HTR6: variants seen among roughly 807,000 people sequenced by gnomAD.
HTR6 encodes the protein 5-hydroxytryptamine receptor 6, also known as 5-hydroxytryptamine (serotonin) receptor 6, G protein-coupled.
HTR6 carries 15 observed loss-of-function variants against 17.4 expected under a neutral mutation model. That is an observed-to-expected ratio of 0.86 (90% CI 0.58 to 1.33). HTR6 has a LOEUF of 1.33. HTR6 is among the 40% of genes most tolerant of loss of function. HTR6 has a pLI of 0.00. For missense variants in HTR6, 578 were observed against 616.0 expected, an observed-to-expected ratio of 0.94 and a Z score of 0.65; for synonymous variants, 326 against 295.5, an observed-to-expected ratio of 1.10 and a Z score of -1.06.
Position 19,679,322 on chromosome 1 carries a change from C to A in HTR6, c.1277C>A (p.Ala426Glu). 6.2e-7 allele frequency: 1 copy of A among 1,604,166 alleles called. No homozygotes were observed. Among genetic ancestry groups the A allele is most frequent in the South Asian group, 1.1e-5 (1 of 90,528 alleles). The change falls in exon 3 of 3, where the codon GCG (alanine) becomes GAG (glutamate). Residue 426 changes from alanine (A) to glutamate (E), a missense_variant. Transcript: ENST00000289753. This position sits in a 1 kb window ranked among gnomAD's most constrained non-coding sequence, Gnocchi z 4.9. ...GTCAATTTCTTCAACATCGACCCCG[C>A]GGAGCCCGAGCTGCGGCCGCATCCA... The part of the protein sequence containing the change: ...AAVNFFNIDP[A>E]EPELRPHPLG...
chr1:19,666,263 C>T lies in HTR6; in HGVS notation c.510C>T (p.Gly170=), dbSNP rs1570581194. The part of the protein sequence containing the change: ...LPLLLGWHEL[G]HARPPVPGQC... The stretch of plus-strand genomic sequence containing the variant: ...TGCTGCTGGGCTGGCACGAGCTGGG[C>T]CACGCACGGCCACCCGTCCCTGGCC... Residue 170 remains glycine (G), a synonymous_variant, in exon 1 of 3, where the codon GGC becomes GGT. Coordinates refer to ENST00000289753, the MANE Select transcript of HTR6 (RefSeq NM_000871.3). This position sits in a 1 kb window ranked among gnomAD's most constrained non-coding sequence, Gnocchi z 4.5. The T allele has an allele frequency of 6.2e-7, 1 of 1,609,732 alleles. No homozygotes were observed. Among genetic ancestry groups the T allele is most frequent in the African/African-American group, 1.3e-5 (1 of 74,922 alleles).
chr1:19,677,407 G>A (rs913197856), intron 1 of HTR6, among the ~76,000 whole-genome samples: 1 of 152,092 alleles, frequency 6.6e-6, no homozygotes, highest in Non-Finnish European at 1.5e-5. Flanking sequence ...GTGGCTGCTG[G>A]GAAGTAGCTT....
chr1:19,677,625 G>T (rs2095095942), intron 1 of HTR6, among the ~76,000 whole-genome samples: 1 of 152,202 alleles, frequency 6.6e-6, no homozygotes, highest in Admixed American at 6.5e-5. Flanking sequence ...AAGAGTAATT[G>T]CCCAGGCAAG....
chr1:19,667,229 G>A (rs562233834), intron 1 of HTR6, among the ~76,000 whole-genome samples: 7 of 151,910 alleles, frequency 4.6e-5, no homozygotes, highest in Non-Finnish European at 5.9e-5. Flanking sequence ...TTCTTCCCCC[G>A]GCTGCCTTCT....
intron 1 of HTR6, among the ~76,000 whole-genome samples, chr1:19,670,997 AC>A (rs920592334): frequency 6.6e-6 from 1 of 152,084 alleles, no homozygotes; most frequent in Non-Finnish European, 1.5e-5. Flanking sequence ...ATGTATTGAC[AC>A]CTGCTTTGCA....
chr1:19,666,320 C>G lies in HTR6; in HGVS notation c.567C>G (p.Val189=), dbSNP rs1008180634. The change falls in exon 1 of 3, where the codon GTC becomes GTG. Residue 189 remains valine (V), a synonymous_variant. Transcript: ENST00000289753. This position sits in a 1 kb window ranked among gnomAD's most constrained non-coding sequence, Gnocchi z 4.5. ...GCCTGCTGGCCAGCCTGCCTTTTGT[C>G]CTTGTGGCGTCGGGCCTCACCTTCT... ...QCRLLASLPF[V]LVASGLTFFL... 8 of 1,613,584 alleles carry G rather than the reference C, an allele frequency of 5.0e-6. No homozygotes were observed. The highest frequency in any genetic ancestry group is 3.3e-4 in the Middle Eastern group (2 of 6,062).
In HTR6 at chr1:19,665,967, G is replaced by C; in HGVS notation, c.214G>C (p.Asp72His). The change falls in exon 1 of 3, where the codon GAC (aspartate) becomes CAC (histidine). Residue 72 changes from aspartate to histidine, a missense_variant. Physicochemically the swap from Asp to His is moderately conservative, Grantham distance 81 (BLOSUM62 -1). Transcript: ENST00000289753. The surrounding 1 kb of genome is among the most constrained non-coding windows in gnomAD (Gnocchi z 4.2). Reference sequence around the variant, plus strand: ...CTTCCTGGTGTCGCTCTTCACGTCTGACCTGATGGTGGGGCTGGTGGTGAT... The same window carrying C: ...CTTCCTGGTGTCGCTCTTCACGTCTCACCTGATGGTGGGGCTGGTGGTGAT... ...NFFLVSLFTSDLMVGLVVMPP... is the reference protein window; with the variant it reads ...NFFLVSLFTSHLMVGLVVMPP... 2.5e-6 allele frequency: 4 copies of C among 1,613,970 alleles called. No individual in the cohort carries two copies. Among genetic ancestry groups the C allele is most frequent in the Non-Finnish European group, 1.7e-6 (2 of 1,179,916 alleles).
chr1:19,678,669 C>T lies in HTR6; in HGVS notation c.817C>T (p.Leu273=). The T allele has an allele frequency of 6.2e-7, 1 of 1,613,864 alleles. No homozygotes were observed. The highest frequency in any genetic ancestry group is 8.5e-7 in the Non-Finnish European group (1 of 1,179,922). The part of the protein sequence containing the change: ...ALKASLTLGI[L]LGMFFVTWLP... ...GAAGGCCAGCCTGACGCTGGGCATC[C>T]TGCTGGGCATGTTCTTTGTGACCTG... Residue 273 remains leucine (L), a synonymous_variant, in exon 2 of 3, where the codon CTG becomes TTG. Coordinates refer to ENST00000289753, the MANE Select transcript of HTR6 (RefSeq NM_000871.3).
rs34322917 is a variant in HTR6 at position 19,674,406 on chromosome 1, C to CTTTTT, written c.715-4147_715-4143dup. On this transcript the variant is annotated intron_variant, in intron 1 of 2. Transcript: ENST00000289753. ...CGTGGTTTATTTAAGCCACTCTTCT[C>CTTTTT]TTTTTTTTTTTTTTTTTTGAGACAA... Among the ~76,000 whole-genome samples, 9 of 129,354 alleles carry CTTTTT rather than the reference C, an allele frequency of 7.0e-5. 1 individual carries two copies. The highest frequency in any genetic ancestry group is 9.8e-5 in the Non-Finnish European group (6 of 61,170). The allele number at this position is 129,354 out of a possible 152,430, so 84.9% of individuals were successfully genotyped here.
At position 19,679,134 on chromosome 1, in the gene HTR6, C is replaced by T; in HGVS notation, c.1089C>T (p.Gly363=). 6.2e-7 allele frequency: 1 copy of T among 1,610,360 alleles called. No individual in the cohort carries two copies. Among genetic ancestry groups the T allele is most frequent in the Non-Finnish European group, 8.5e-7 (1 of 1,179,016 alleles). Residue 363 remains glycine (G), a synonymous_variant, in exon 3 of 3, where the codon GGC becomes GGT. Transcript: ENST00000289753. The surrounding 1 kb of genome is among the most constrained non-coding windows in gnomAD (Gnocchi z 4.9). ...LRTSHSGPRP[G]LSLQQVLPLP... Reference sequence around the variant, plus strand: ...CCTCTCACAGCGGCCCCCGGCCCGGCCTTAGCCTACAGCAGGTGCTGCCGC... The same window carrying T: ...CCTCTCACAGCGGCCCCCGGCCCGGTCTTAGCCTACAGCAGGTGCTGCCGC...
In HTR6 at chr1:19,670,526, G is replaced by A. The variant is rs191544677; in HGVS notation, c.714+4059G>A. ...CTCGCCCAGGCTGGAGTGCAGTGGC[G>A]TGATCTTGGCCCACTGCAACCTCCG... On this transcript the variant is annotated intron_variant, in intron 1 of 2. Transcript: ENST00000289753. 1.1e-3 allele frequency among the ~76,000 whole-genome samples: 159 copies of A among 148,974 alleles called. 2 individuals carry two copies. The highest frequency in any genetic ancestry group is 3.4e-3 in the African/African-American group (137 of 40,144).
chr1:19,665,942 C>A lies in HTR6; in HGVS notation c.189C>A (p.Phe63Leu), dbSNP rs2100466528. The A allele has an allele frequency of 6.2e-7, 1 of 1,613,854 alleles. No homozygotes were observed. The highest frequency in any genetic ancestry group is 1.1e-5 in the South Asian group (1 of 91,084). ...CCGCGCTGCGCAACACGTCCAACTT[C>A]TTCCTGGTGTCGCTCTTCACGTCTG... ...TQPALRNTSN[F>L]FLVSLFTSDL... The change falls in exon 1 of 3, where the codon TTC becomes TTA. Residue 63 changes from phenylalanine (F) to leucine (L), a missense_variant. Transcript: ENST00000289753. The surrounding 1 kb of genome is among the most constrained non-coding windows in gnomAD (Gnocchi z 4.2).
intron 2 of HTR6, 75 bp downstream of exon 2, chr1:19,678,800 C>G: frequency 1.3e-6 from 2 of 1,566,946 alleles, no homozygotes; most frequent in Non-Finnish European, 1.7e-6. Flanking sequence ...GGCATGGGGA[C>G]AGGGGAGGGT....
rs201283813 is a variant in HTR6, at chr1:19,679,195, G to T, written c.1150G>T (p.Ala384Ser). Reference sequence around the variant, plus strand: ...GCCGGACTCAGATTCGGACTCAGACGCAGGCTCAGGCGGCTCCTCGGGCCT... The same window carrying T: ...GCCGGACTCAGATTCGGACTCAGACTCAGGCTCAGGCGGCTCCTCGGGCCT... ...LPPDSDSDSD[A>S]GSGGSSGLRL... Residue 384 changes from alanine (A) to serine (S), a missense_variant, in exon 3 of 3, where the codon GCA becomes TCA. Coordinates refer to ENST00000289753, the MANE Select transcript of HTR6 (RefSeq NM_000871.3). The surrounding 1 kb of genome is among the most constrained non-coding windows in gnomAD (Gnocchi z 4.9). The T allele has an allele frequency of 1.2e-4, 192 of 1,574,892 alleles. No individual in the cohort carries two copies. The highest frequency in any genetic ancestry group is 1.6e-4 in the Non-Finnish European group (188 of 1,162,990).
In HTR6 at chr1:19,679,321, G is replaced by A. The variant is rs771535299; in HGVS notation, c.1276G>A (p.Ala426Thr). 6.9e-6 allele frequency: 11 copies of A among 1,604,932 alleles called. No individual in the cohort carries two copies. The South Asian group carries it at 8.8e-5, about 13-fold the overall frequency. Reference sequence around the variant, plus strand: ...CGTCAATTTCTTCAACATCGACCCCGCGGAGCCCGAGCTGCGGCCGCATCC... The same window carrying A: ...CGTCAATTTCTTCAACATCGACCCCACGGAGCCCGAGCTGCGGCCGCATCC... ...AAVNFFNIDP[A>T]EPELRPHPLG... Residue 426 changes from alanine (A) to threonine (T), a missense_variant, in exon 3 of 3, where the codon GCG becomes ACG. Physicochemically the swap from Ala to Thr is moderately conservative, Grantham distance 58 (BLOSUM62 0). Coordinates refer to ENST00000289753, the MANE Select transcript of HTR6 (RefSeq NM_000871.3). The surrounding 1 kb of genome is among the most constrained non-coding windows in gnomAD (Gnocchi z 4.9).
chr1:19,678,336 TG>T (rs958617751), intron 1 of HTR6, among the ~76,000 whole-genome samples: 3 of 151,770 alleles, frequency 2.0e-5, no homozygotes, highest in Non-Finnish European at 4.4e-5. Flanking sequence ...CAGGGTTCAG[TG>T]GGGGGCCAAG....
intron 1 of HTR6, among the ~76,000 whole-genome samples, chr1:19,667,116 C>G (rs1473716249): frequency 6.6e-6 from 1 of 152,182 alleles, no homozygotes. Flanking sequence ...CTCCCTCTCT[C>G]TTACTCTGCA....
chr1:19,676,569 C>T (rs2095094760), intron 1 of HTR6, among the ~76,000 whole-genome samples: 1 of 152,170 alleles, frequency 6.6e-6, no homozygotes, highest in African/African-American at 2.4e-5. Flanking sequence ...ATGAAAAGAC[C>T]GCGTGTAGTT....
At chr1:19,673,907 C>T (rs2095091265) in intron 1 of HTR6, among the ~76,000 whole-genome samples, 1 of 149,030 alleles carries the variant, frequency 6.7e-6, no homozygotes, top group Non-Finnish European at 1.5e-5. Flanking sequence ...CACTCTGTCA[C>T]CCAGGCTGGA....
Sources: gnomAD v4.1 joint callset for allele counts (sites outside exome capture counted in the v4.1 genomes callset) on GRCh38, gnomAD v4.1.1 for gene constraint, Gnocchi (gnomAD v3.1) non-coding constraint, MANE v1.5 for transcripts, NCBI Gene and HGNC (gene_info 2026-07-23, HGNC 2026-07-21) for gene names.